Variants in PPP2R5C observed in about 807,000 individuals in gnomAD.
The protein encoded by PPP2R5C is protein phosphatase 2 regulatory subunit B'gamma.
In PPP2R5C, 7 loss-of-function variants were observed where a neutral mutation model predicts 68.9. The ratio of observed to expected loss-of-function variants is 0.10; its 90% CI spans 0.06 to 0.19. The LOEUF (loss-of-function observed/expected upper bound fraction) is 0.19. Among genes scored for constraint, PPP2R5C ranks in the 10% least tolerant of loss-of-function variants. PPP2R5C has a pLI of 1.00. For synonymous variants in PPP2R5C, 210 were observed against 222.2 expected (o/e 0.95, Z 0.49); for missense variants, 348 against 641.3 (o/e 0.54, Z 4.94).
chr14:101,764,575 G>A (rs7143497), intron 2 of PPP2R5C, among the ~76,000 whole-genome samples: 9,968 of 152,142 alleles, frequency 0.066, 360 homozygotes, highest in East Asian at 0.15. Flanking sequence ...CAGCAAATCT[G>A]TTGCCCTCCC....
chr14:101,779,668 C>G (rs879600685), intron 2 of PPP2R5C, among the ~76,000 whole-genome samples: 6 of 152,094 alleles, frequency 3.9e-5, no homozygotes, highest in Admixed American at 6.5e-5. Context: ...CGGCTGAGCT[C>G]AAACCCCATG....
Position 101,803,009 on chromosome 14 carries a change from G to A in PPP2R5C, c.259+16826G>A, listed in dbSNP as rs147855000. 5.7e-3 allele frequency among the ~76,000 whole-genome samples: 838 copies of A among 148,256 alleles called. 7 individuals carry two copies. The highest frequency in any genetic ancestry group is 0.019 in the African/African-American group (780 of 40,316). On this transcript the variant is annotated intron_variant, in intron 3 of 14. Transcript: ENST00000328724. ...GCAGGCAGATCACTTGAGCTCAAGAGTTTGAGACCAGCCCGGACAACGTGG... is the reference window on the plus strand; with the variant it reads ...GCAGGCAGATCACTTGAGCTCAAGAATTTGAGACCAGCCCGGACAACGTGG...
chr14:101,925,335 A>AT, exon 14 of PPP2R5C: 1 of 1,595,868 alleles, frequency 6.3e-7, no homozygotes, highest in African/African-American at 1.3e-5. Flanking sequence ...TAGAAAATAC[A>AT]TACTTCCTGT....
chr14:101,786,396 T>G (rs571857332), intron 3 of PPP2R5C, among the ~76,000 whole-genome samples: 1 of 152,246 alleles, frequency 6.6e-6, no homozygotes, highest in East Asian at 1.9e-4. Context: ...GATAAAAGTT[T>G]AACAACACAG....
chr14:101,799,094 C>T lies in PPP2R5C; in HGVS notation c.259+12911C>T, dbSNP rs903821177. ...ATGGAACACCTGCATGCCAGCCATTCTGTAGGAGCTGGACCAAGGAAGAGC... is the reference window on the plus strand; with the variant it reads ...ATGGAACACCTGCATGCCAGCCATTTTGTAGGAGCTGGACCAAGGAAGAGC... On this transcript the variant is annotated intron_variant, in intron 3 of 14. Coordinates refer to the PPP2R5C transcript ENST00000328724. Among the ~76,000 whole-genome samples the T allele has an allele frequency of 4.6e-5, 7 of 152,318 alleles. No homozygotes were observed. In the South Asian group the frequency reaches 1.0e-3, roughly 23 times the overall value.
intron 3 of PPP2R5C, among the ~76,000 whole-genome samples, chr14:101,802,881 C>T (rs1286096598): frequency 6.7e-6 from 1 of 149,854 alleles, no homozygotes; most frequent in Non-Finnish European, 1.5e-5. Flanking sequence ...TCCTCAACAT[C>T]TCTGTCATTA....
intron 2 of PPP2R5C, among the ~76,000 whole-genome samples, chr14:101,860,076 A>G (rs574601778): frequency 1.3e-5 from 2 of 152,282 alleles, no homozygotes; most frequent in South Asian, 2.1e-4. Flanking sequence ...TTTAAAGTGT[A>G]TGAGTCAGTG....
chr14:101,786,313 G>T (rs1478673143), intron 3 of PPP2R5C, 130 bp downstream of exon 3: 333 of 549,306 alleles, frequency 6.1e-4, no homozygotes, highest in South Asian at 3.4e-3. Flanking sequence ...GTATTGAGGG[G>T]TTTTTTTTTT....
At chr14:101,786,641 A>C (rs1488808272) in intron 3 of PPP2R5C, among the ~76,000 whole-genome samples, 2 of 152,190 alleles carry the variant, frequency 1.3e-5, no homozygotes, top group African/African-American at 4.8e-5. Context: ...GTTATGAGTC[A>C]TTTGAGGATT....
intron 2 of PPP2R5C, among the ~76,000 whole-genome samples, chr14:101,876,630 A>G (rs2043798099): frequency 6.6e-6 from 1 of 152,216 alleles, no homozygotes; most frequent in South Asian, 2.1e-4. Flanking sequence ...AATTTGGAGA[A>G]CATCTGCAGG....
At chr14:101,876,281 A>T (rs1359947264) in intron 2 of PPP2R5C, among the ~76,000 whole-genome samples, 2 of 152,182 alleles carry the variant, frequency 1.3e-5, no homozygotes, top group Non-Finnish European at 2.9e-5. Context: ...CCTTTGATGG[A>T]TTCATCTGTT....
rs137991674 is a variant in PPP2R5C, at chr14:101,835,924, C to G, written c.95-20762C>G. On this transcript the variant is annotated intron_variant, in intron 1 of 13. Transcript: ENST00000334743. This position sits in a 1 kb window ranked among gnomAD's most constrained non-coding sequence, Gnocchi z 5.0. ...ATGGTAGCCCCTCTGTGTGTTCTTACTAGGATTAGTGGGCTGGGAAAAGTT... is the reference window on the plus strand; with the variant it reads ...ATGGTAGCCCCTCTGTGTGTTCTTAGTAGGATTAGTGGGCTGGGAAAAGTT... Among the ~76,000 whole-genome samples, 4 of 152,294 alleles carry G rather than the reference C, an allele frequency of 2.6e-5. No individual in the cohort carries two copies. Among genetic ancestry groups the G allele is most frequent in the Non-Finnish European group, 5.9e-5 (4 of 68,022 alleles).
chr14:101,790,622 G>A (rs866909313), intron 3 of PPP2R5C, among the ~76,000 whole-genome samples: 6 of 152,172 alleles, frequency 3.9e-5, no homozygotes, highest in Non-Finnish European at 5.9e-5. Context: ...TTGTTTATCC[G>A]TTCACCAGTT....
At chr14:101,774,689 TC>T (rs1480359453) in intron 2 of PPP2R5C, among the ~76,000 whole-genome samples, 1 of 152,216 alleles carries the variant, frequency 6.6e-6, no homozygotes, top group Non-Finnish European at 1.5e-5. Context: ...ACTTGCCTCT[TC>T]CTTCACTCTC....
chr14:101,847,682 T>TTTTC (rs1555391186), intron 1 of PPP2R5C, among the ~76,000 whole-genome samples: 2 of 149,866 alleles, frequency 1.3e-5, no homozygotes, highest in African/African-American at 5.0e-5. Context: ...TTTTTTTTTT[T>TTTTC]CCTGAGACGG....
intron 1 of PPP2R5C, among the ~76,000 whole-genome samples, chr14:101,821,527 GTATA>G (rs2040072875): frequency 6.6e-6 from 1 of 151,272 alleles, no homozygotes; most frequent in Admixed American, 6.6e-5. Context: ...TATTCACAGA[GTATA>G]TAGCATTTTT....
At chr14:101,883,191 G>C in intron 3 of PPP2R5C, 66 bp from the exon 6 acceptor site, 2 of 1,125,542 alleles carry the variant, frequency 1.8e-6, no homozygotes, top group South Asian at 1.5e-5. Context: ...TTCAATTTCT[G>C]GTATATTTTA....
chr14:101,916,436 G>A lies in PPP2R5C; in HGVS notation c.1327-1395G>A, dbSNP rs538208427. Among the ~76,000 whole-genome samples the A allele has an allele frequency of 1.4e-3, 209 of 152,334 alleles. No homozygotes were observed. The highest frequency in any genetic ancestry group is 4.8e-3 in the African/African-American group (201 of 41,570). ...ACAGAGGGTGTGGGAAAAGGCCGAAGACAGCCCACAGAGGAAGGAGCCCAA... is the reference window on the plus strand; with the variant it reads ...ACAGAGGGTGTGGGAAAAGGCCGAAAACAGCCCACAGAGGAAGGAGCCCAA... On this transcript the variant is annotated intron_variant, in intron 12 of 13. Coordinates refer to ENST00000334743, the Ensembl canonical transcript of PPP2R5C. This position sits in a 1 kb window ranked among gnomAD's most constrained non-coding sequence, Gnocchi z 5.5.
intron 2 of PPP2R5C, among the ~76,000 whole-genome samples, chr14:101,768,842 T>C (rs1052840668): frequency 6.9e-6 from 1 of 144,914 alleles, no homozygotes; most frequent in African/African-American, 2.7e-5. Context: ...TTTTTTTTTT[T>C]GAGACGGAGT....
Sources: gnomAD v4.1 joint callset for allele counts (sites outside exome capture counted in the v4.1 genomes callset) on GRCh38, gnomAD v4.1.1 for gene constraint, Gnocchi (gnomAD v3.1) non-coding constraint, MANE v1.5 for transcripts, NCBI Gene and HGNC (gene_info 2026-07-23, HGNC 2026-07-21) for gene names.